The following PRKG1 variants were observed in gnomAD, a reference collection of about 807,000 sequenced individuals.
PRKG1 encodes the protein cGMP-dependent protein kinase 1.
In PRKG1, 35 loss-of-function variants were observed where a neutral mutation model predicts 88.1. The observed-to-expected ratio is 0.40, with a 90% confidence interval of 0.30 to 0.53. The LOEUF (loss-of-function observed/expected upper bound fraction) is 0.53, where lower values mean the gene tolerates loss of function less well. Ranked by LOEUF, PRKG1 falls within the 20% of genes least tolerant of loss-of-function variation. The pLI, the probability that PRKG1 is intolerant of heterozygous loss-of-function variation, is 0.59. For synonymous variants in PRKG1, 303 were observed against 292.5 expected (o/e 1.04, Z -0.37); for missense variants, 540 against 839.8 (o/e 0.64, Z 4.41).
chr10:51,916,793 G>A (rs1842349867), intron 5 of PRKG1, among the ~76,000 whole-genome samples: 1 of 152,036 alleles, frequency 6.6e-6, no homozygotes, highest in Non-Finnish European at 1.5e-5. Context: ...CTGATGGATG[G>A]GTAAATAAAA....
chr10:52,062,977 T>A (rs555231796), intron 7 of PRKG1: 1 of 578,204 alleles, frequency 1.7e-6, no homozygotes, highest in African/African-American at 1.9e-5. Context: ...GATAGTTGGT[T>A]GAAATTTTTG....
At chr10:52,282,598 GC>G (rs1842024999) in intron 14 of PRKG1, among the ~76,000 whole-genome samples, 1 of 151,992 alleles carries the variant, frequency 6.6e-6, no homozygotes, top group African/African-American at 2.4e-5. Context: ...AGCTATCTTA[GC>G]CCAGTCATTT....
intron 3 of PRKG1, among the ~76,000 whole-genome samples, chr10:51,520,944 T>C (rs1319424054): frequency 2.0e-5 from 3 of 152,208 alleles, no homozygotes; most frequent in Non-Finnish European, 4.4e-5. Context: ...GAGGTTTTAA[T>C]CAGAAGCTCA....
intron 3 of PRKG1, among the ~76,000 whole-genome samples, chr10:51,512,262 T>C (rs997258928): frequency 6.7e-6 from 1 of 150,114 alleles, no homozygotes; most frequent in Admixed American, 6.6e-5. Flanking sequence ...GTTACATATG[T>C]ATACATGTGC....
At position 51,316,685 on chromosome 10, in the gene PRKG1, A is replaced by T. The variant is rs183239387; in HGVS notation, c.479-151038A>T. On this transcript the variant is annotated intron_variant, in intron 2 of 17. Transcript: ENST00000373980. ...CGACAAGAGCAAGACTCCGTCTCAAAAAATAAATAAATAAATAAATAAATA... is the reference window on the plus strand; with the variant it reads ...CGACAAGAGCAAGACTCCGTCTCAATAAATAAATAAATAAATAAATAAATA... Among the ~76,000 whole-genome samples, 487 of 151,014 alleles carry T rather than the reference A, an allele frequency of 3.2e-3. 3 individuals carry two copies. The highest frequency in any genetic ancestry group is 0.011 in the African/African-American group (454 of 41,086).
intron 9 of PRKG1, among the ~76,000 whole-genome samples, chr10:52,166,687 G>T (rs1838450687): frequency 7.6e-6 from 1 of 131,416 alleles, no homozygotes; most frequent in African/African-American, 3.7e-5. Flanking sequence ...TAAATACTTT[G>T]TTAAATATTT....
At chr10:52,153,081 G>GA (rs1837983192) in intron 8 of PRKG1, among the ~76,000 whole-genome samples, 1 of 152,188 alleles carries the variant, frequency 6.6e-6, no homozygotes, top group African/African-American at 2.4e-5. Flanking sequence ...GGGGGTGAGA[G>GA]AGAAAGTGAG....
chr10:51,571,102 G>T (rs1334591370), intron 3 of PRKG1, among the ~76,000 whole-genome samples: 11 of 151,884 alleles, frequency 7.2e-5, no homozygotes. Flanking sequence ...TAGATTCTCT[G>T]CATTTGACGT....
chr10:51,780,035 T>C (rs550126775), intron 3 of PRKG1, among the ~76,000 whole-genome samples: 1 of 152,250 alleles, frequency 6.6e-6, no homozygotes, highest in South Asian at 2.1e-4. Flanking sequence ...ACCTAGTTGA[T>C]TTAGCCTGAA....
At chr10:51,740,696 A>G (rs1345331001) in intron 3 of PRKG1, among the ~76,000 whole-genome samples, 1 of 152,132 alleles carries the variant, frequency 6.6e-6, no homozygotes, top group Non-Finnish European at 1.5e-5. Flanking sequence ...GACTCCTTTA[A>G]AATGTCTCAA....
intron 2 of PRKG1, among the ~76,000 whole-genome samples, chr10:51,249,318 A>G (rs1352551662): frequency 4.6e-5 from 7 of 151,926 alleles, no homozygotes; most frequent in Non-Finnish European, 1.5e-5. Flanking sequence ...AGAATTATCA[A>G]CATTAGAAAA....
At chr10:51,011,771 G>A (rs1842996794) in intron 1 of PRKG1, among the ~76,000 whole-genome samples, 1 of 152,166 alleles carries the variant, frequency 6.6e-6, no homozygotes, top group Non-Finnish European at 1.5e-5. Context: ...CTTTAACAGG[G>A]ACAGTTATTT....
intron 2 of PRKG1, among the ~76,000 whole-genome samples, chr10:51,250,601 C>T (rs1269522364): frequency 6.6e-6 from 1 of 151,782 alleles, no homozygotes; most frequent in East Asian, 1.9e-4. Context: ...CAGTCAGGGA[C>T]ACACCATCCT....
chr10:52,193,548 C>CAAAAAAAAAAAAAAAA (rs34730000), intron 9 of PRKG1, among the ~76,000 whole-genome samples: 2 of 42,812 alleles, frequency 4.7e-5, no homozygotes, highest in African/African-American at 1.5e-4. Flanking sequence ...GACTCTGTCT[C>CAAAAAAAAAAAAAAAA]AAAAAAAAAA....
intron 4 of PRKG1, among the ~76,000 whole-genome samples, chr10:51,814,080 C>G (rs1335151916): frequency 2.6e-5 from 4 of 152,160 alleles, no homozygotes; most frequent in African/African-American, 9.7e-5. Flanking sequence ...CATTCAGACA[C>G]TGCATTTCTG....
At chr10:52,278,594 G>A (rs748750327) in intron 12 of PRKG1, among the ~76,000 whole-genome samples, 5 of 152,140 alleles carry the variant, frequency 3.3e-5, no homozygotes, top group Admixed American at 1.3e-4. Flanking sequence ...TAAAGAAAAT[G>A]TGGCACATAT....
chr10:51,415,452 G>T (rs1838210379), intron 2 of PRKG1, among the ~76,000 whole-genome samples: 1 of 152,046 alleles, frequency 6.6e-6, no homozygotes, highest in Non-Finnish European at 1.5e-5. Context: ...CCAAAATTAA[G>T]CCACCATCAT....
intron 3 of PRKG1, among the ~76,000 whole-genome samples, chr10:51,487,489 G>A (rs979549413): frequency 2.0e-5 from 3 of 152,090 alleles, no homozygotes; most frequent in Non-Finnish European, 2.9e-5. Context: ...AACTCAGTAG[G>A]GAGTTGCGGT....
intron 1 of PRKG1, among the ~76,000 whole-genome samples, chr10:51,141,732 G>A (rs1015686626): frequency 1.2e-4 from 18 of 152,034 alleles, no homozygotes; most frequent in Admixed American, 2.0e-4. Flanking sequence ...GTCTCATGCC[G>A]TGAAAATCTT....
Sources: gnomAD v4.1 joint callset for allele counts (sites outside exome capture counted in the v4.1 genomes callset) on GRCh38, gnomAD v4.1.1 for gene constraint, MANE v1.5 for transcripts, NCBI Gene and HGNC (gene_info 2026-07-23, HGNC 2026-07-21) for gene names.